ERI3: variants seen among roughly 807,000 people sequenced by gnomAD.
The protein encoded by ERI3 is ERI1 exoribonuclease 3.
A neutral mutation model predicts 44.4 loss-of-function variants in ERI3; 18 were observed. That is an observed-to-expected ratio of 0.41 (90% CI 0.28 to 0.60). The LOEUF is 0.60. ERI3 is among the 20% of genes least tolerant of loss of function. The pLI is 0.36. For synonymous variants in ERI3, 183 were observed against 164.8 expected (o/e 1.11, Z -0.84); for missense variants, 294 against 435.5 (o/e 0.68, Z 2.89).
At chr1:44,273,163 A>C (rs1308179739) in intron 7 of ERI3, among the ~76,000 whole-genome samples, 1 of 152,204 alleles carries the variant, frequency 6.6e-6, no homozygotes, top group East Asian at 1.9e-4. Context: ...TAACTGTCCA[A>C]AGGTCAACAG....
chr1:44,338,606 T>C (rs1030664185), intron 3 of ERI3, among the ~76,000 whole-genome samples: 1 of 152,180 alleles, frequency 6.6e-6, no homozygotes, highest in Non-Finnish European at 1.5e-5. Flanking sequence ...TCTTCCACTG[T>C]ATTCTATTAG....
At chr1:44,303,721 C>T (rs868292988) in intron 6 of ERI3, among the ~76,000 whole-genome samples, 1 of 151,954 alleles carries the variant, frequency 6.6e-6, no homozygotes, top group African/African-American at 2.4e-5. Flanking sequence ...AAGATGTAAG[C>T]AAGAACCTTG....
At chr1:44,354,456 G>A (rs1167032360) in intron 1 of ERI3, 1 of 985,202 alleles carries the variant, frequency 1.0e-6, no homozygotes, top group African/African-American at 1.7e-5. Context: ...CCTGTTGCTG[G>A]ACCATTTGCA....
rs918813526 is a variant in ERI3 at position 44,353,401 on chromosome 1, C to T, written c.136-476G>A. 3 of 985,326 alleles carry T rather than the reference C, an allele frequency of 3.0e-6. No individual in the cohort carries two copies. The African/African-American group carries it at 5.2e-5, about 17-fold the overall frequency. 61.0% of individuals were successfully genotyped at this position (985,326 alleles called of 1,614,324 possible). On this transcript the variant is annotated intron_variant, in intron 1 of 8. Transcript: ENST00000372257. ...AGCCTGCTTCAAGCTCTAAGAAAGTCAAGGTAACTAAATCCCAAGTCAAAA... is the reference window on the plus strand; with the variant it reads ...AGCCTGCTTCAAGCTCTAAGAAAGTTAAGGTAACTAAATCCCAAGTCAAAA...
At chr1:44,226,920 C>T (rs1399282408) in intron 8 of ERI3, among the ~76,000 whole-genome samples, 1 of 151,952 alleles carries the variant, frequency 6.6e-6, no homozygotes, top group Non-Finnish European at 1.5e-5. Context: ...AAAACTCTAA[C>T]TTTTTTCCCC....
chr1:44,259,502 C>T (rs1007470913), intron 7 of ERI3, among the ~76,000 whole-genome samples: 2 of 152,084 alleles, frequency 1.3e-5, no homozygotes, highest in African/African-American at 4.8e-5. Flanking sequence ...ATTCAGGGGC[C>T]CTCCACTACC....
At chr1:44,348,337 C>A (rs932461504) in intron 2 of ERI3, among the ~76,000 whole-genome samples, 4 of 152,154 alleles carry the variant, frequency 2.6e-5, no homozygotes, top group Non-Finnish European at 5.9e-5. Context: ...TGGACTGTCA[C>A]ATCCAATCAC....
chr1:44,308,015 C>T (rs1241389836), intron 6 of ERI3, among the ~76,000 whole-genome samples: 1 of 152,168 alleles, frequency 6.6e-6, no homozygotes, highest in Non-Finnish European at 1.5e-5. Context: ...ACTCTTTTAA[C>T]TCCTCCCTTC....
intron 6 of ERI3, among the ~76,000 whole-genome samples, chr1:44,305,717 C>T (rs1407805963): frequency 1.3e-5 from 2 of 152,190 alleles, no homozygotes; most frequent in African/African-American, 2.4e-5. Context: ...TTATCAGCCC[C>T]TTTCCAACAA....
chr1:44,324,143 C>A (rs1646257278), intron 3 of ERI3, among the ~76,000 whole-genome samples: 1 of 152,186 alleles, frequency 6.6e-6, no homozygotes, highest in Non-Finnish European at 1.5e-5. Flanking sequence ...TATGCTGGCA[C>A]ACAGGCTTCA....
At chr1:44,262,998 G>A (rs1195472738) in intron 7 of ERI3, among the ~76,000 whole-genome samples, 1 of 152,118 alleles carries the variant, frequency 6.6e-6, no homozygotes, top group Non-Finnish European at 1.5e-5. Flanking sequence ...TCCACTTGGG[G>A]AAATAACCTG....
chr1:44,343,581 G>A (rs1458328719), intron 2 of ERI3, among the ~76,000 whole-genome samples: 1 of 152,160 alleles, frequency 6.6e-6, no homozygotes, highest in Non-Finnish European at 1.5e-5. Context: ...GGTCATGAAT[G>A]CCAAGGAACG....
chr1:44,347,736 G>A (rs1330703555), intron 2 of ERI3, among the ~76,000 whole-genome samples: 1 of 151,250 alleles, frequency 6.6e-6, no homozygotes, highest in Non-Finnish European at 1.5e-5. Flanking sequence ...TAAGGAAGAA[G>A]GATAGAAGAC....
intron 5 of ERI3, among the ~76,000 whole-genome samples, chr1:44,310,975 A>C (rs375220154): frequency 9.2e-6 from 1 of 108,996 alleles, no homozygotes; most frequent in Admixed American, 9.4e-5. Context: ...ACACACACAC[A>C]CACACACACA....
intron 7 of ERI3, among the ~76,000 whole-genome samples, chr1:44,250,869 G>A (rs568034482): frequency 1.1e-4 from 17 of 152,306 alleles, no homozygotes; most frequent in African/African-American, 2.9e-4. Context: ...TATTAAAAAC[G>A]GTTAATTAAA....
intron 8 of ERI3, among the ~76,000 whole-genome samples, chr1:44,245,691 G>C (rs1415201655): frequency 1.3e-5 from 2 of 152,130 alleles, no homozygotes; most frequent in Non-Finnish European, 2.9e-5. Context: ...CCTAACCTAG[G>C]GTCAACAGGT....
chr1:44,343,048 A>T (rs1283837438), intron 2 of ERI3, among the ~76,000 whole-genome samples: 1 of 150,798 alleles, frequency 6.6e-6, no homozygotes, highest in Non-Finnish European at 1.5e-5. Flanking sequence ...TAAAAGAAAC[A>T]GAGGTCCTTA....
chr1:44,300,542 G>T (rs865786784), intron 6 of ERI3, among the ~76,000 whole-genome samples: 25 of 152,190 alleles, frequency 1.6e-4, no homozygotes, highest in African/African-American at 6.0e-4. Context: ...CATGGGGTGA[G>T]ACGCCTGTTG....
At chr1:44,259,081 G>T (rs1644834820) in intron 7 of ERI3, among the ~76,000 whole-genome samples, 1 of 152,184 alleles carries the variant, frequency 6.6e-6, no homozygotes, top group African/African-American at 2.4e-5. Context: ...CAGGCTATAT[G>T]CACATATATA....
Sources: allele counts gnomAD v4.1 joint callset (sites outside exome capture counted in the v4.1 genomes callset), GRCh38; gene constraint gnomAD v4.1.1; transcripts MANE v1.5; gene names NCBI Gene and HGNC (gene_info 2026-07-23, HGNC 2026-07-21).